The following RAP1GAP2 variants were observed in gnomAD, a reference collection of about 807,000 sequenced individuals.
The protein encoded by RAP1GAP2 is rap1 GTPase-activating protein 2.
A neutral mutation model predicts 95.0 loss-of-function variants in RAP1GAP2; 27 were observed. The ratio of observed to expected loss-of-function variants is 0.28; its 90% CI spans 0.21 to 0.39. The LOEUF is 0.39. Among genes scored for constraint, RAP1GAP2 ranks in the 10% least tolerant of loss-of-function variants. The probability of loss-of-function intolerance (pLI) is 1.00; values close to 1 mark genes in which losing one functional copy is unlikely to be tolerated. For missense variants in RAP1GAP2, 771 were observed against 970.0 expected (o/e 0.79, Z 2.72); for synonymous variants, 373 against 380.9 (o/e 0.98, Z 0.24).
Position 3,005,223 on chromosome 17 carries a change from G to T in RAP1GAP2, c.1201-146G>T. On this transcript the variant is annotated intron_variant, in intron 14 of 24. Transcript: ENST00000254695. This position sits in a 1 kb window ranked among gnomAD's most constrained non-coding sequence, Gnocchi z 5.2. Reference sequence around the variant, plus strand: ...TTCTAGGAACAGGGTCAGGGCCTGTGCTGGCGATGCTCACAGGAGTATTTT... The same window carrying T: ...TTCTAGGAACAGGGTCAGGGCCTGTTCTGGCGATGCTCACAGGAGTATTTT... 2.4e-6 allele frequency: 2 copies of T among 829,400 alleles called. No homozygotes were observed. Among genetic ancestry groups the T allele is most frequent in the Non-Finnish European group, 4.1e-6 (2 of 485,734 alleles). 51.4% of individuals were successfully genotyped at this position (829,400 alleles called of 1,614,324 possible). A position where few individuals can be genotyped will look rare whatever the true frequency, so the allele number is the denominator to read the frequency against.
intron 3 of RAP1GAP2, among the ~76,000 whole-genome samples, chr17:2,945,678 A>T (rs1409863000): frequency 1.3e-5 from 2 of 151,704 alleles, no homozygotes; most frequent in Admixed American, 1.3e-4. Context: ...AGTTTATATC[A>T]TGAAAGGATA....
In RAP1GAP2 at chr17:2,932,020, G is replaced by A. The variant is rs1319972024; in HGVS notation, c.166-25739G>A. The stretch of plus-strand genomic sequence containing the variant: ...TAATGATATATTCAGTTCTCAGTCC[G>A]GCGCATTTGATCAACACCTGCTCTG... On this transcript the variant is annotated intron_variant, in intron 3 of 24. Transcript: ENST00000254695. Among the ~76,000 whole-genome samples, 5 of 152,278 alleles carry A rather than the reference G, an allele frequency of 3.3e-5. No individual in the cohort carries two copies. In the South Asian group the frequency reaches 8.3e-4, roughly 25 times the overall value.
chr17:2,995,556 C>A (rs2045921801), intron 13 of RAP1GAP2, 90 bp downstream of exon 13: 2 of 1,527,666 alleles, frequency 1.3e-6, no homozygotes, highest in Non-Finnish European at 1.8e-6. Flanking sequence ...TGTGGCCGTC[C>A]CCATATTCGT....
rs534866892 is a variant in RAP1GAP2, at chr17:2,965,864, C to G, written c.596+221C>G. 1.6e-4 allele frequency: 92 copies of G among 563,728 alleles called. No homozygotes were observed. The highest frequency in any genetic ancestry group is 2.8e-4 in the Non-Finnish European group (87 of 315,328). 34.9% of individuals were successfully genotyped at this position (563,728 alleles called of 1,614,324 possible). On this transcript the variant is annotated intron_variant, in intron 8 of 24. Coordinates refer to ENST00000254695, the MANE Select transcript of RAP1GAP2 (RefSeq NM_015085.5). The surrounding 1 kb of genome is among the most constrained non-coding windows in gnomAD (Gnocchi z 4.7). ...GTTAGCTGACAGTCAGAGGGGCATC[C>G]AGGTCTCAAGGTCACCCAGACTGTA...
intron 3 of RAP1GAP2, among the ~76,000 whole-genome samples, chr17:2,909,571 TC>T (rs1482843437): frequency 3.3e-5 from 5 of 152,318 alleles, no homozygotes; most frequent in African/African-American, 9.6e-5. Context: ...TTTGTGAGCA[TC>T]CACTGGGTGC....
At chr17:3,024,573 G>T (rs1482495453) in intron 19 of RAP1GAP2, among the ~76,000 whole-genome samples, 2 of 151,978 alleles carry the variant, frequency 1.3e-5, no homozygotes, top group Non-Finnish European at 2.9e-5. Flanking sequence ...AGAACAGTGG[G>T]CCATGAAAAA....
intron 2 of RAP1GAP2, 41 bp from the exon 3 acceptor site, chr17:2,905,243 C>A: frequency 1.3e-6 from 2 of 1,572,838 alleles, no homozygotes; most frequent in Non-Finnish European, 1.7e-6. Flanking sequence ...GAAGGGAAGG[C>A]GCAGGCAGGT....
At position 2,810,522 on chromosome 17, in the gene RAP1GAP2, C is replaced by CTTTTTTTTT. The variant is rs1169922962; in HGVS notation, c.80+9990_80+9998dup. On this transcript the variant is annotated intron_variant, in intron 2 of 24. Coordinates refer to ENST00000254695, the MANE Select transcript of RAP1GAP2 (RefSeq NM_015085.5). ...GCTATCCCTCCCCTGTCCCCCCACC[C>CTTTTTTTTT]TTTTTTTTTTTTTTTTTTTTTTTTT... is the stretch of plus-strand genomic sequence containing the variant. 1.4e-4 allele frequency among the ~76,000 whole-genome samples: 10 copies of CTTTTTTTTT among 69,428 alleles called. 1 individual carries two copies. The highest frequency in any genetic ancestry group is 4.1e-4 in the African/African-American group (7 of 17,122). The allele number at this position is 69,428 out of a possible 152,430, so 45.5% of individuals were successfully genotyped here. A position where few individuals can be genotyped will look rare whatever the true frequency, so the allele number is the denominator to read the frequency against.
chr17:2,785,418 A>C (rs1355942273), intron 1 of RAP1GAP2, among the ~76,000 whole-genome samples: 1 of 152,122 alleles, frequency 6.6e-6, no homozygotes, highest in Admixed American at 6.5e-5. Flanking sequence ...AAAAAAAGTA[A>C]GATAAATAGC....
In RAP1GAP2 at chr17:2,981,251, A is replaced by G. The variant is rs7208690; in HGVS notation, c.729+3A>G. On this transcript the variant is annotated splice_donor_region_variant and intron_variant, in intron 10 of 24. Coordinates refer to ENST00000254695, the MANE Select transcript of RAP1GAP2 (RefSeq NM_015085.5). ...TCAATCCTGTCCTGTACCCCAAGGT[A>G]AGGACCTTCATGCTCCCAACATAGG... is the stretch of plus-strand genomic sequence containing the variant. 0.2 allele frequency: 313,887 copies of G among 1,605,970 alleles called. 32,486 individuals are homozygous for G. The highest frequency in any genetic ancestry group is 0.34 in the African/African-American group (25,540 of 74,820).
chr17:2,959,653 G>A (rs1348253707), intron 4 of RAP1GAP2, among the ~76,000 whole-genome samples: 1 of 152,182 alleles, frequency 6.6e-6, no homozygotes, highest in Non-Finnish European at 1.5e-5. Context: ...ACTGGAATCC[G>A]GGATTCCCGA....
intron 8 of RAP1GAP2, among the ~76,000 whole-genome samples, chr17:2,967,545 C>T (rs1247821303): frequency 6.6e-6 from 1 of 152,108 alleles, no homozygotes; most frequent in East Asian, 1.9e-4. Context: ...GGGTCAACAG[C>T]ATTGAAATCA....
At chr17:2,799,653 G>A (rs536518218) in intron 1 of RAP1GAP2, among the ~76,000 whole-genome samples, 23 of 152,304 alleles carry the variant, frequency 1.5e-4, no homozygotes, top group East Asian at 7.7e-4. Context: ...ATGGTGACAC[G>A]AATCGTGATG....
chr17:2,864,881 G>A (rs1281289067), intron 2 of RAP1GAP2, among the ~76,000 whole-genome samples: 1 of 152,196 alleles, frequency 6.6e-6, no homozygotes, highest in Non-Finnish European at 1.5e-5. Flanking sequence ...TCGCAGTACA[G>A]AAACTCAGGA....
intron 2 of RAP1GAP2, among the ~76,000 whole-genome samples, chr17:2,873,570 G>C (rs983646424): frequency 6.8e-6 from 1 of 146,498 alleles, no homozygotes; most frequent in African/African-American, 2.5e-5. Flanking sequence ...TAAGTGGACA[G>C]ATTGGGACAA....
At chr17:2,778,740 C>G (rs1005182044) in intron 1 of RAP1GAP2, among the ~76,000 whole-genome samples, 1 of 152,088 alleles carries the variant, frequency 6.6e-6, no homozygotes, top group South Asian at 2.1e-4. Context: ...AATGGGAGCC[C>G]GAGAGAAAGG....
intron 2 of RAP1GAP2, among the ~76,000 whole-genome samples, chr17:2,820,231 G>C (rs545538632): frequency 6.6e-6 from 1 of 152,174 alleles, no homozygotes; most frequent in Admixed American, 6.5e-5. Context: ...CTTTCCCCTT[G>C]CCTGGCCCTC....
chr17:3,007,931 A>C, intron 16 of RAP1GAP2, 80 bp from the exon 17 acceptor site: 8 of 1,504,016 alleles, frequency 5.3e-6, no homozygotes, highest in Non-Finnish European at 7.3e-6. Flanking sequence ...CCTCCAGGCC[A>C]GGTGTCTGGA....
At chr17:2,991,205 A>G (rs1040809881) in intron 11 of RAP1GAP2, 92 bp from the exon 12 acceptor site, 13 of 1,033,488 alleles carry the variant, frequency 1.3e-5, no homozygotes, top group Non-Finnish European at 1.9e-5. Context: ...AGAAAGGAAG[A>G]AAGGGACCAG....
Sources: gnomAD v4.1 joint callset for allele counts (sites outside exome capture counted in the v4.1 genomes callset) on GRCh38, gnomAD v4.1.1 for gene constraint, Gnocchi (gnomAD v3.1) non-coding constraint, MANE v1.5 for transcripts, NCBI Gene and HGNC (gene_info 2026-07-23, HGNC 2026-07-21) for gene names.